GOLGA4: variants seen among roughly 807,000 people sequenced by gnomAD.
GOLGA4 encodes the protein golgin A4, also known as golgin subfamily A member 4.
GOLGA4 carries 169 observed loss-of-function variants against 265.9 expected under a neutral mutation model. That is an observed-to-expected ratio of 0.64 (90% CI 0.56 to 0.72). The LOEUF (loss-of-function observed/expected upper bound fraction) is 0.72, where lower values mean the gene tolerates loss of function less well. Among genes scored for constraint, GOLGA4 ranks in the 30% least tolerant of loss-of-function variants. The pLI is 0.00. For missense variants in GOLGA4, 2,482 were observed against 2,483.4 expected, an observed-to-expected ratio of 1.00 and a Z score of 0.01; for synonymous variants, 923 against 855.8, an observed-to-expected ratio of 1.08 and a Z score of -1.37.
chr3:37,243,631 GC>G lies in GOLGA4; in HGVS notation c.72+11del, dbSNP rs756542245. 6.2e-7 allele frequency: 1 copy of G among 1,607,380 alleles called. No individual in the cohort carries two copies. Among genetic ancestry groups the G allele is most frequent in the South Asian group, 1.1e-5 (1 of 90,952 alleles). On this transcript the variant is annotated intron_variant, in intron 1 of 23. Coordinates refer to ENST00000361924, the MANE Select transcript of GOLGA4 (RefSeq NM_002078.5). The stretch of plus-strand genomic sequence containing the variant: ...CGCTGGCTCCTGCTCAGGTACGATG[GC>G]CGCCGCTCTCCTCCCCTGGTTCCGA...
intron 5 of GOLGA4, among the ~76,000 whole-genome samples, chr3:37,291,146 C>T (rs2096863583): frequency 6.6e-6 from 1 of 152,106 alleles, no homozygotes. Context: ...GGTTAGGCAT[C>T]AGGTTTTAAT....
At chr3:37,267,158 CTG>C (rs886779827) in intron 2 of GOLGA4, among the ~76,000 whole-genome samples, 2 of 152,214 alleles carry the variant, frequency 1.3e-5, no homozygotes, top group African/African-American at 4.8e-5. Flanking sequence ...AAAAATAACA[CTG>C]TTTTCGCTAA....
chr3:37,245,311 G>C (rs991592033), intron 1 of GOLGA4: 5 of 152,608 alleles, frequency 3.3e-5, no homozygotes, highest in African/African-American at 1.2e-4. Flanking sequence ...AGATGAAGGA[G>C]TGAGGCTCGA....
chr3:37,307,660 A>G (rs903409108), intron 10 of GOLGA4, among the ~76,000 whole-genome samples: 5 of 152,088 alleles, frequency 3.3e-5, no homozygotes, highest in African/African-American at 1.2e-4. Flanking sequence ...ATGAAAGTAG[A>G]TTTTAAGTAT....
At chr3:37,333,411 A>G (rs1223510855) in intron 16 of GOLGA4, among the ~76,000 whole-genome samples, 1 of 152,198 alleles carries the variant, frequency 6.6e-6, no homozygotes, top group African/African-American at 2.4e-5. Context: ...TAAGACTAGA[A>G]GGCTTTTATA....
chr3:37,334,885 TTAAAA>T (rs1459706064), intron 16 of GOLGA4, among the ~76,000 whole-genome samples, 163 bp from the exon 17 acceptor site: 2 of 152,126 alleles, frequency 1.3e-5, no homozygotes, highest in African/African-American at 2.4e-5. Context: ...CAATAATGAA[TTAAAA>T]TAAAAACAGT....
At chr3:37,254,914 A>G (rs1261642014) in intron 2 of GOLGA4, among the ~76,000 whole-genome samples, 2 of 148,198 alleles carry the variant, frequency 1.3e-5, no homozygotes, top group Non-Finnish European at 1.5e-5. Flanking sequence ...TATTATATAT[A>G]TAGCTTATAT....
At chr3:37,274,761 A>G (rs929233742) in intron 2 of GOLGA4, among the ~76,000 whole-genome samples, 1 of 152,026 alleles carries the variant, frequency 6.6e-6, no homozygotes, top group Non-Finnish European at 1.5e-5. Flanking sequence ...TTTAGTGATG[A>G]CTATTATCAT....
chr3:37,273,275 A>C lies in GOLGA4; in HGVS notation c.163-8683A>C, dbSNP rs779360032. ...GGGACATAATGGGAAGAGGTATGTG[A>C]CTAGCTTGAAATAGGTTTTTCTACA... On this transcript the variant is annotated intron_variant, in intron 2 of 23. Transcript: ENST00000361924. Among the ~76,000 whole-genome samples the C allele has an allele frequency of 1.4e-3, 218 of 152,154 alleles. 5 individuals carry two copies. Among genetic ancestry groups the C allele is most frequent in the Admixed American group, 0.014 (216 of 15,278 alleles).
At chr3:37,344,322 G>A (rs529812671) in intron 20 of GOLGA4, among the ~76,000 whole-genome samples, 8 of 152,024 alleles carry the variant, frequency 5.3e-5, no homozygotes, top group East Asian at 1.9e-4. Context: ...GGCTGGTCTC[G>A]AACTCCTGAC....
At chr3:37,346,501 C>T (rs186874387) in intron 20 of GOLGA4, among the ~76,000 whole-genome samples, 4 of 152,170 alleles carry the variant, frequency 2.6e-5, no homozygotes, top group Admixed American at 1.3e-4. Context: ...TATAATTTGA[C>T]CATTTTCAAT....
intron 22 of GOLGA4, among the ~76,000 whole-genome samples, chr3:37,360,963 T>C (rs868258322): frequency 5.9e-5 from 9 of 152,182 alleles, no homozygotes; most frequent in African/African-American, 1.9e-4. Context: ...CTGGTAAATA[T>C]GTACTTAAAA....
Position 37,289,279 on chromosome 3 carries a change from AG to A in GOLGA4, c.571del (p.Glu191AsnfsTer2). 6.4e-7 allele frequency: 1 copy of A among 1,570,570 alleles called. No homozygotes were observed. Among genetic ancestry groups the A allele is most frequent in the East Asian group, 2.2e-5 (1 of 44,550 alleles). ...SQDKSLRRIA[E>X]LREELQMDQQ... ...AGGATAAATCACTTCGGAGAATAGCAGAATTAAGAGAGGTAAGTTTCAGTGA... is the reference window on the plus strand; with the variant it reads ...AGGATAAATCACTTCGGAGAATAGCAAATTAAGAGAGGTAAGTTTCAGTGA... On this transcript the variant is annotated frameshift_variant, in exon 5 of 24. Transcript: ENST00000361924. LOFTEE classifies it high-confidence loss of function.
chr3:37,293,427 T>A (rs1221444604), intron 5 of GOLGA4, among the ~76,000 whole-genome samples: 1 of 152,184 alleles, frequency 6.6e-6, no homozygotes, highest in African/African-American at 2.4e-5. Flanking sequence ...ATCTAAAGTT[T>A]GAGAGACCTG....
At chr3:37,322,330 A>G (rs1417787778) in intron 13 of GOLGA4, among the ~76,000 whole-genome samples, 1 of 152,128 alleles carries the variant, frequency 6.6e-6, no homozygotes, top group Non-Finnish European at 1.5e-5. Context: ...TGGTTTCCCC[A>G]GTTTTTCCAT....
intron 2 of GOLGA4, among the ~76,000 whole-genome samples, chr3:37,262,642 C>T (rs2096772956): frequency 6.6e-6 from 1 of 151,882 alleles, no homozygotes; most frequent in African/African-American, 2.4e-5. Flanking sequence ...ATGGCTCATG[C>T]CTGTAATCCC....
intron 1 of GOLGA4, chr3:37,245,369 TC>T (rs2096716300): frequency 6.6e-6 from 1 of 152,402 alleles, no homozygotes; most frequent in Non-Finnish European, 1.5e-5. Flanking sequence ...GTTAGAGTCT[TC>T]AGAAAAGTAT....
intron 10 of GOLGA4, among the ~76,000 whole-genome samples, chr3:37,315,127 T>G (rs1029311283): frequency 6.6e-6 from 1 of 152,176 alleles, no homozygotes; most frequent in Non-Finnish European, 1.5e-5. Flanking sequence ...ATAAGGAAAC[T>G]GGTAGAGAAT....
At chr3:37,261,363 A>G (rs1425366903) in intron 2 of GOLGA4, among the ~76,000 whole-genome samples, 2 of 152,110 alleles carry the variant, frequency 1.3e-5, no homozygotes, top group Non-Finnish European at 2.9e-5. Context: ...ACATTGAGAC[A>G]TGTATCTGAG....
Sources: gnomAD v4.1 joint callset for allele counts (sites outside exome capture counted in the v4.1 genomes callset) on GRCh38, gnomAD v4.1.1 for gene constraint, MANE v1.5 for transcripts, NCBI Gene and HGNC (gene_info 2026-07-23, HGNC 2026-07-21) for gene names.